AK7: variants seen among roughly 807,000 people sequenced by gnomAD.
AK7 encodes adenylate kinase 7, also known as ATP-AMP transphosphorylase 7.
A neutral mutation model predicts 96.6 loss-of-function variants in AK7; 78 were observed. That is an observed-to-expected ratio of 0.81 (90% confidence interval 0.67 to 0.97). AK7 has a LOEUF of 0.97. Ranked by LOEUF, AK7 falls within the 50% of genes least tolerant of loss-of-function variation. The pLI is 0.00. For missense variants in AK7, 855 were observed against 887.9 expected (o/e 0.96, Z 0.47); for synonymous variants, 302 against 317.2 (o/e 0.95, Z 0.51).
intron 12 of AK7, among the ~76,000 whole-genome samples, chr14:96,459,789 A>C (rs765650272): frequency 2.6e-4 from 40 of 152,084 alleles, no homozygotes; most frequent in Non-Finnish European, 5.0e-4. Context: ...AGGCAGGAGA[A>C]TCGCTTGAAC....
chr14:96,463,491 G>A lies in AK7; in HGVS notation c.1357+5279G>A, dbSNP rs564052350. On this transcript the variant is annotated intron_variant, in intron 12 of 17. Transcript: ENST00000267584. ...TCCCAGCACTTTGGGAGGCCGAGGCGGGCGGATCACGAGGTCAGGAGATCG... is the reference window on the plus strand; with the variant it reads ...TCCCAGCACTTTGGGAGGCCGAGGCAGGCGGATCACGAGGTCAGGAGATCG... Among the ~76,000 whole-genome samples the A allele has an allele frequency of 9.0e-3, 1,363 of 151,820 alleles. 11 individuals carry two copies. The highest frequency in any genetic ancestry group is 0.014 in the Non-Finnish European group (984 of 67,928).
chr14:96,457,961 C>A, intron 11 of AK7, 122 bp from the exon 12 acceptor site: 1 of 1,362,188 alleles, frequency 7.3e-7, no homozygotes, highest in Non-Finnish European at 1.0e-6. Flanking sequence ...TGCATGACAG[C>A]TGTCATAGGG....
chr14:96,411,882 T>C (rs565740098), intron 4 of AK7, among the ~76,000 whole-genome samples: 1 of 152,298 alleles, frequency 6.6e-6, no homozygotes, highest in South Asian at 2.1e-4. Flanking sequence ...TAGAAAGACA[T>C]ACACAATGTC....
intron 16 of AK7, among the ~76,000 whole-genome samples, chr14:96,485,485 G>T (rs1361396667): frequency 6.6e-6 from 1 of 152,094 alleles, no homozygotes; most frequent in Admixed American, 6.5e-5. Context: ...TGTAAAGTGG[G>T]GATAATGATA....
chr14:96,488,196 A>C (rs1895881056), intron 17 of AK7, 109 bp from the exon 18 acceptor site: 1 of 1,024,986 alleles, frequency 9.8e-7, no homozygotes, highest in Admixed American at 2.1e-5. Flanking sequence ...TACAGGCATG[A>C]GCCACCAAGC....
At chr14:96,477,111 A>G (rs12894430) in intron 14 of AK7, among the ~76,000 whole-genome samples, 2 of 152,228 alleles carry the variant, frequency 1.3e-5, no homozygotes, top group Non-Finnish European at 2.9e-5. Flanking sequence ...ATGGTAAAAG[A>G]TGAGCAAAAA....
chr14:96,446,750 G>A (rs1011571894), intron 8 of AK7, 143 bp downstream of exon 8: 1 of 613,872 alleles, frequency 1.6e-6, no homozygotes, highest in Admixed American at 2.8e-5. Context: ...AGACCAGCCT[G>A]ACCAACATGA....
In AK7 at chr14:96,458,191, G is replaced by A. The variant is rs1301225655; in HGVS notation, c.1336G>A (p.Glu446Lys). 1.9e-6 allele frequency: 3 copies of A among 1,613,988 alleles called. No individual in the cohort carries two copies. Among genetic ancestry groups the A allele is most frequent in the Non-Finnish European group, 8.5e-7 (1 of 1,179,910 alleles). ...DAQELLDGIK[E>K]SMEQNAGQLD... ...ACAGGAGCTCCTAGATGGCATCAAG[G>A]AGAGCATGGAGCAGAATGCAGGTAA... Residue 446 changes from glutamate (E) to lysine (K), a missense_variant, in exon 12 of 18, where the codon GAG becomes AAG. Glu to Lys is a moderately conservative substitution (Grantham distance 56, BLOSUM62 1). Coordinates refer to ENST00000267584, the MANE Select transcript of AK7 (RefSeq NM_152327.5).
In AK7 at chr14:96,452,527, T is replaced by C. The variant is rs143014188; in HGVS notation, c.1098+957T>C. ...TTTTAGTAGAGACGGGGTTTCACCA[T>C]GTGGACCAGGCTGGTTTCAAACTCC... is the stretch of plus-strand genomic sequence containing the variant. On this transcript the variant is annotated intron_variant, in intron 10 of 17. Coordinates refer to ENST00000267584, the MANE Select transcript of AK7 (RefSeq NM_152327.5). Among the ~76,000 whole-genome samples the C allele has an allele frequency of 5.1e-3, 779 of 152,270 alleles. 4 individuals are homozygous for C. Among genetic ancestry groups the C allele is most frequent in the African/African-American group, 0.017 (727 of 41,558 alleles).
Position 96,478,512 on chromosome 14 carries a change from G to C in AK7, c.1603G>C (p.Val535Leu). Residue 535 changes from valine to leucine, a missense_variant, in exon 15 of 18, where the codon GTG becomes CTG. Coordinates refer to ENST00000267584, the MANE Select transcript of AK7 (RefSeq NM_152327.5). ...DASDEFLKER[V>L]INLPESIVAG... ...TTCGGATGAGTTTCTGAAGGAGCGTGTGATAAACCTTCCTGAGAGCATCGT... is the reference window on the plus strand; with the variant it reads ...TTCGGATGAGTTTCTGAAGGAGCGTCTGATAAACCTTCCTGAGAGCATCGT... The C allele has an allele frequency of 6.2e-7, 1 of 1,614,160 alleles. No homozygotes were observed. Among genetic ancestry groups the C allele is most frequent in the Non-Finnish European group, 8.5e-7 (1 of 1,180,038 alleles).
intron 12 of AK7, among the ~76,000 whole-genome samples, chr14:96,469,228 A>C (rs1428517861): frequency 6.6e-6 from 1 of 152,224 alleles, no homozygotes; most frequent in East Asian, 1.9e-4. Flanking sequence ...TGAAAAATGA[A>C]AATAGACTTA....
chr14:96,392,807 C>T (rs548995640), intron 1 of AK7, among the ~76,000 whole-genome samples: 2 of 152,012 alleles, frequency 1.3e-5, no homozygotes, highest in South Asian at 2.1e-4. Context: ...GGACTACAGG[C>T]GCCCGACACC....
chr14:96,397,469 G>A (rs974545604), intron 1 of AK7, among the ~76,000 whole-genome samples: 12 of 152,080 alleles, frequency 7.9e-5, no homozygotes, highest in African/African-American at 2.7e-4. Flanking sequence ...GGCTGGTGTC[G>A]AGCTCCTGAC....
chr14:96,446,695 T>G (rs1240705668), intron 8 of AK7, 88 bp downstream of exon 8: 72 of 1,198,592 alleles, frequency 6.0e-5, no homozygotes, highest in Non-Finnish European at 8.2e-5. Context: ...AATCCTAGCA[T>G]TTTGGGAGTC....
intron 7 of AK7, among the ~76,000 whole-genome samples, chr14:96,444,927 A>C (rs1893151404): frequency 1.3e-5 from 2 of 152,186 alleles, no homozygotes; most frequent in African/African-American, 4.8e-5. Context: ...CATGTTGGTC[A>C]GGCTGGTCTC....
rs755369423 is a variant in AK7 at position 96,458,099 on chromosome 14, CT to C, written c.1245del (p.Asn416ThrfsTer3). On this transcript the variant is annotated frameshift_variant, in exon 12 of 18. Transcript: ENST00000267584. LOFTEE classifies it high-confidence loss of function. ...AIAKLEAIVA[P>X]NDVGEGEEEV... ...GGTATGCAGGAGGCGATTGTTGCCCCTAACGATGTAGGGGAAGGAGAAGAAG... is the reference window on the plus strand; with the variant it reads ...GGTATGCAGGAGGCGATTGTTGCCCCAACGATGTAGGGGAAGGAGAAGAAG... 1 of 1,613,384 alleles carries C rather than the reference CT, an allele frequency of 6.2e-7. No individual in the cohort carries two copies. The highest frequency in any genetic ancestry group is 8.5e-7 in the Non-Finnish European group (1 of 1,179,750).
chr14:96,425,512 T>G (rs1170877442), intron 5 of AK7, among the ~76,000 whole-genome samples: 1 of 137,576 alleles, frequency 7.3e-6, no homozygotes, highest in Non-Finnish European at 1.5e-5. Context: ...AGACAGAGTC[T>G]TGCTCTGTTG....
At chr14:96,481,695 G>A (rs117102809) in intron 15 of AK7, among the ~76,000 whole-genome samples, 4,030 of 147,636 alleles carry the variant, frequency 0.027, 74 homozygotes, top group Non-Finnish European at 0.041. Flanking sequence ...CTACCGATAT[G>A]ACTTTTACCT....
intron 3 of AK7, among the ~76,000 whole-genome samples, chr14:96,406,186 G>A (rs1890700394): frequency 6.6e-6 from 1 of 151,980 alleles, no homozygotes; most frequent in Non-Finnish European, 1.5e-5. Flanking sequence ...CCCAGTGCTG[G>A]GATTACAGGA....
Sources: allele counts gnomAD v4.1 joint callset (sites outside exome capture counted in the v4.1 genomes callset), GRCh38; gene constraint gnomAD v4.1.1; transcripts MANE v1.5; gene names NCBI Gene and HGNC (gene_info 2026-07-23, HGNC 2026-07-21).